IGF1R: variants seen among roughly 807,000 people sequenced by gnomAD.
The protein encoded by IGF1R is insulin-like growth factor 1 receptor.
IGF1R carries 44 observed loss-of-function variants against 144.6 expected under a neutral mutation model. That is an observed-to-expected ratio of 0.30 (90% CI 0.24 to 0.39). The LOEUF (loss-of-function observed/expected upper bound fraction) is 0.39. Among genes scored for constraint, IGF1R ranks in the 10% least tolerant of loss-of-function variants. The probability of loss-of-function intolerance (pLI) is 1.00; values close to 1 mark genes in which losing one functional copy is unlikely to be tolerated. For synonymous variants in IGF1R, 795 were observed against 722.8 expected, an observed-to-expected ratio of 1.10 and a Z score of -1.60; for missense variants, 1,355 against 1,833.7, an observed-to-expected ratio of 0.74 and a Z score of 4.77.
chr15:98,661,982 T>TTTTTG (rs2052612243), intron 1 of IGF1R, among the ~76,000 whole-genome samples: 1 of 101,330 alleles, frequency 9.9e-6, no homozygotes, highest in African/African-American at 3.9e-5. Context: ...TTTTTTTTTT[T>TTTTTG]GAGACAGTCT....
chr15:98,730,523 C>T (rs1189027813), intron 2 of IGF1R, among the ~76,000 whole-genome samples: 1 of 152,128 alleles, frequency 6.6e-6, no homozygotes, highest in East Asian at 1.9e-4. Flanking sequence ...CAGCTGAGTG[C>T]CCCATACTTA....
At position 98,732,249 on chromosome 15, in the gene IGF1R, A is replaced by G. The variant is rs567483254; in HGVS notation, c.640+24142A>G. 2.6e-5 allele frequency among the ~76,000 whole-genome samples: 4 copies of G among 152,344 alleles called. No homozygotes were observed. In the East Asian group the frequency reaches 7.7e-4, roughly 29 times the overall value. ...GGCAGGGGAAGACTTGCCTAGGAGC[A>G]GGGCCTCGCAGGATGCAGAGGAGTT... is the stretch of plus-strand genomic sequence containing the variant. On this transcript the variant is annotated intron_variant, in intron 2 of 20. Transcript: ENST00000650285.
At chr15:98,656,373 AC>A (rs1210166781) in intron 1 of IGF1R, among the ~76,000 whole-genome samples, 2 of 152,052 alleles carry the variant, frequency 1.3e-5, no homozygotes, top group African/African-American at 4.8e-5. Flanking sequence ...AACATGGTGC[AC>A]CCCCTTTCTA....
At chr15:98,837,077 C>G (rs986047032) in intron 2 of IGF1R, among the ~76,000 whole-genome samples, 1 of 152,164 alleles carries the variant, frequency 6.6e-6, no homozygotes, top group Non-Finnish European at 1.5e-5. Flanking sequence ...TCTCGTTTCT[C>G]TTTTTTCATA....
At chr15:98,866,733 G>C (rs1378733082) in intron 2 of IGF1R, among the ~76,000 whole-genome samples, 1 of 152,178 alleles carries the variant, frequency 6.6e-6, no homozygotes, top group Non-Finnish European at 1.5e-5. Flanking sequence ...CGTTTCGGCA[G>C]CTTAATGAAA....
Position 98,948,719 on chromosome 15 carries a change from C to T in IGF1R, c.3722+11C>T, listed in dbSNP as rs1343445345. On this transcript the variant is annotated intron_variant, in intron 20 of 20. Coordinates refer to ENST00000650285, the MANE Select transcript of IGF1R (RefSeq NM_000875.5). ...CTGTCCTGACATGCTGTACGTACTT[C>T]CTGGGCCCTCCGTGCTCTTCTGAGT... The T allele has an allele frequency of 1.2e-6, 2 of 1,613,912 alleles. No homozygotes were observed. Among genetic ancestry groups the T allele is most frequent in the East Asian group, 2.2e-5 (1 of 44,852 alleles).
chr15:98,871,739 T>C (rs1218116242), intron 2 of IGF1R, among the ~76,000 whole-genome samples: 1 of 152,106 alleles, frequency 6.6e-6, no homozygotes, highest in Non-Finnish European at 1.5e-5. Flanking sequence ...TATTAACTAA[T>C]AACAGCAAGG....
intron 2 of IGF1R, among the ~76,000 whole-genome samples, chr15:98,740,761 A>G (rs1019482941): frequency 1.1e-4 from 16 of 152,340 alleles, no homozygotes; most frequent in South Asian, 2.1e-4. Flanking sequence ...TGTTAAAAAC[A>G]TTCTAGGATC....
rs1196112375 is a variant in IGF1R at position 98,801,127 on chromosome 15, A to G, written c.641-90198A>G. On this transcript the variant is annotated intron_variant, in intron 2 of 20. Transcript: ENST00000650285. ...CTTCTCCCTCCCAGCACCACTTAAG[A>G]GAAGAGGAGGTGGCCTCCCTCTCCC... 4.6e-5 allele frequency among the ~76,000 whole-genome samples: 7 copies of G among 152,090 alleles called. No homozygotes were observed. In the East Asian group the frequency reaches 9.6e-4, roughly 21 times the overall value.
At chr15:98,659,252 G>A (rs1423413125) in intron 1 of IGF1R, among the ~76,000 whole-genome samples, 1 of 151,458 alleles carries the variant, frequency 6.6e-6, no homozygotes, top group Non-Finnish European at 1.5e-5. Flanking sequence ...TTTTTTTTCA[G>A]TAAACGATGG....
intron 10 of IGF1R, among the ~76,000 whole-genome samples, chr15:98,920,968 T>TC (rs1010924225): frequency 6.6e-6 from 1 of 152,310 alleles, no homozygotes; most frequent in Non-Finnish European, 1.5e-5. Flanking sequence ...TCTGGGCTGT[T>TC]CCGTTCCCTG....
intron 1 of IGF1R, among the ~76,000 whole-genome samples, chr15:98,680,646 C>A (rs1385730204): frequency 1.3e-5 from 2 of 152,104 alleles, no homozygotes; most frequent in Non-Finnish European, 2.9e-5. Context: ...CTCATTGCAG[C>A]CTTGAACTCC....
At chr15:98,849,919 A>ACC (rs1487868442) in intron 2 of IGF1R, among the ~76,000 whole-genome samples, 1 of 152,244 alleles carries the variant, frequency 6.6e-6, no homozygotes, top group East Asian at 1.9e-4. Context: ...CACTCTTTGG[A>ACC]AAACAACCCC....
intron 20 of IGF1R, 57 bp from the exon 21 acceptor site, chr15:98,957,004 C>T: frequency 2.5e-6 from 4 of 1,604,698 alleles, no homozygotes; most frequent in Non-Finnish European, 3.4e-6. Flanking sequence ...CCCATGAAGC[C>T]TCCTGGCCAT....
chr15:98,652,006 C>G (rs1022666883), intron 1 of IGF1R, among the ~76,000 whole-genome samples: 1 of 151,724 alleles, frequency 6.6e-6, no homozygotes, highest in Non-Finnish European at 1.5e-5. Flanking sequence ...GTTCTTTCAG[C>G]TGTTGTCTGG....
At chr15:98,898,679 G>T (rs1434429613) in intron 4 of IGF1R, among the ~76,000 whole-genome samples, 1 of 152,068 alleles carries the variant, frequency 6.6e-6, no homozygotes, top group Non-Finnish European at 1.5e-5. Context: ...CATAAATTAC[G>T]CACAGTAAAA....
intron 18 of IGF1R, among the ~76,000 whole-genome samples, chr15:98,941,528 G>A (rs1480314093): frequency 6.6e-6 from 1 of 152,140 alleles, no homozygotes; most frequent in Non-Finnish European, 1.5e-5. Flanking sequence ...TTTTTAATAG[G>A]ATTCCTTCTT....
chr15:98,835,335 C>A (rs537404823), intron 2 of IGF1R, among the ~76,000 whole-genome samples: 2 of 152,034 alleles, frequency 1.3e-5, no homozygotes, highest in South Asian at 4.2e-4. Context: ...GATAGGACTA[C>A]CTACCATTCA....
chr15:98,812,436 A>G (rs1411126863), intron 2 of IGF1R, among the ~76,000 whole-genome samples: 1 of 151,482 alleles, frequency 6.6e-6, no homozygotes, highest in Non-Finnish European at 1.5e-5. Flanking sequence ...AGTTCACTGC[A>G]ATCTCCGCCT....
Sources: allele counts gnomAD v4.1 joint callset (sites outside exome capture counted in the v4.1 genomes callset), GRCh38; gene constraint gnomAD v4.1.1; transcripts MANE v1.5; gene names NCBI Gene and HGNC (gene_info 2026-07-23, HGNC 2026-07-21).